SOS1: variants seen among roughly 807,000 people sequenced by gnomAD.
The protein encoded by SOS1 is SOS Ras/Rac guanine nucleotide exchange factor 1.
A neutral mutation model predicts 157.6 loss-of-function variants in SOS1; 25 were observed. That is an observed-to-expected ratio of 0.16 (90% confidence interval 0.12 to 0.22). The LOEUF (loss-of-function observed/expected upper bound fraction) is 0.22, where lower values mean the gene tolerates loss of function less well. Ranked by LOEUF, SOS1 falls within the 10% of genes least tolerant of loss-of-function variation. SOS1 has a pLI of 1.00. For synonymous variants in SOS1, 528 were observed against 534.0 expected (o/e 0.99, Z 0.16); for missense variants, 1,237 against 1,599.1 (o/e 0.77, Z 3.86).
chr2:39,008,850 G>A (rs1669366873), intron 15 of SOS1, among the ~76,000 whole-genome samples: 1 of 151,664 alleles, frequency 6.6e-6, no homozygotes, highest in Admixed American at 6.6e-5. Context: ...GCTGGGGAAG[G>A]AGGAGCAGTA....
chr2:39,062,422 T>TAAA (rs147051518), intron 2 of SOS1, among the ~76,000 whole-genome samples: 170 of 118,764 alleles, frequency 1.4e-3, no homozygotes, highest in African/African-American at 5.7e-3. Context: ...TGTCTCAAAA[T>TAAA]AAAAAAAAAA....
At chr2:39,089,056 AT>A (rs1672483479) in intron 1 of SOS1, among the ~76,000 whole-genome samples, 1 of 152,144 alleles carries the variant, frequency 6.6e-6, no homozygotes, top group Non-Finnish European at 1.5e-5. Flanking sequence ...TTTCATTCCC[AT>A]TTCGCTAATG....
At chr2:39,049,880 T>C (rs1434628658) in intron 6 of SOS1, among the ~76,000 whole-genome samples, 2 of 152,210 alleles carry the variant, frequency 1.3e-5, no homozygotes, top group Non-Finnish European at 2.9e-5. Context: ...TTTCCCAGCA[T>C]CCTGTTATAA....
At chr2:39,104,006 G>A (rs372167229) in intron 1 of SOS1, among the ~76,000 whole-genome samples, 123 of 152,266 alleles carry the variant, frequency 8.1e-4, no homozygotes, top group African/African-American at 2.9e-3. Context: ...TGGTCCAGGC[G>A]CAGTGGCTCA....
chr2:38,997,679 AT>A (rs1279218293), intron 17 of SOS1, among the ~76,000 whole-genome samples: 1 of 126,162 alleles, frequency 7.9e-6, no homozygotes, highest in Non-Finnish European at 1.7e-5. Flanking sequence ...TTATTTTTTT[AT>A]TTTTTTTAGA....
At chr2:39,051,492 C>T in intron 5 of SOS1, 1 of 527,102 alleles carries the variant, frequency 1.9e-6, no homozygotes, top group Non-Finnish European at 3.4e-6. Flanking sequence ...TTCTCTAGGT[C>T]AGTGGTCTTG....
chr2:39,043,793 C>T (rs1670659077), intron 6 of SOS1, among the ~76,000 whole-genome samples: 2 of 152,124 alleles, frequency 1.3e-5, no homozygotes, highest in African/African-American at 4.8e-5. Context: ...CCCTGATGAC[C>T]TTATCTAATC....
chr2:39,091,429 T>C (rs1361779578), intron 1 of SOS1, among the ~76,000 whole-genome samples: 1 of 152,104 alleles, frequency 6.6e-6, no homozygotes, highest in African/African-American at 2.4e-5. Flanking sequence ...AATGAAAAAT[T>C]CAACTTTCCC....
intron 1 of SOS1, among the ~76,000 whole-genome samples, chr2:39,080,303 GA>G (rs957607168): frequency 2.6e-5 from 4 of 152,022 alleles, no homozygotes; most frequent in African/African-American, 9.7e-5. Context: ...TGCCTCCACT[GA>G]TCTGAAAAGA....
chr2:38,997,479 TTTCTG>T, intron 17 of SOS1, 54 bp from the exon 18 acceptor site: 1 of 1,334,472 alleles, frequency 7.5e-7, no homozygotes, highest in Non-Finnish European at 1.1e-6. Context: ...TGCAAGTTTT[TTTCTG>T]TTTCATTAAT....
chr2:38,992,378 A>T (rs1424555639), intron 20 of SOS1: 1 of 152,218 alleles, frequency 6.6e-6, no homozygotes, highest in Non-Finnish European at 1.5e-5. Flanking sequence ...CTTTATCATA[A>T]ACAAAGAGAA....
At chr2:39,037,343 A>G (rs1049612416) in intron 6 of SOS1, among the ~76,000 whole-genome samples, 1 of 152,064 alleles carries the variant, frequency 6.6e-6, no homozygotes, top group African/African-American at 2.4e-5. Flanking sequence ...TATGCCAAAT[A>G]TCATAATGTA....
At position 39,014,792 on chromosome 2, in the gene SOS1, T is replaced by C; in HGVS notation, c.1913A>G (p.Gln638Arg). 1.9e-6 allele frequency: 3 copies of C among 1,595,512 alleles called. No individual in the cohort carries two copies. Among genetic ancestry groups the C allele is most frequent in the Non-Finnish European group, 2.6e-6 (3 of 1,163,788 alleles). ...LTTYRSFCKP[Q>R]ELLSLIIERF... ...TTCTATTATAAGACTCAGTAGTTCTTGAGGTTTGCAAAAGGATCTGTATGT... is the reference window on the plus strand; with the variant it reads ...TTCTATTATAAGACTCAGTAGTTCTCGAGGTTTGCAAAAGGATCTGTATGT... The change falls in exon 11 of 23, where the codon CAA (glutamine) becomes CGA (arginine). Residue 638 changes from glutamine to arginine, a missense_variant. By Grantham distance (43) the Gln-to-Arg change is conservative. Transcript: ENST00000402219.
rs148736160 is a variant in SOS1 at position 39,046,797 on chromosome 2, T to C, written c.864+4347A>G. Among the ~76,000 whole-genome samples the C allele has an allele frequency of 4.4e-4, 67 of 152,260 alleles. 1 individual carries two copies. Among genetic ancestry groups the C allele is most frequent in the African/African-American group, 1.5e-3 (62 of 41,546 alleles). ...GGATTACAGGTGCAAGCCACCGGCC[T>C]ACATCTACCAATTTCTTTTTCACCA... On this transcript the variant is annotated intron_variant, in intron 6 of 22. Transcript: ENST00000402219.
chr2:39,088,736 T>G (rs1476531294), intron 1 of SOS1, among the ~76,000 whole-genome samples: 1 of 152,236 alleles, frequency 6.6e-6, no homozygotes, highest in Non-Finnish European at 1.5e-5. Context: ...AACTGACATG[T>G]GGTTAGTTTC....
chr2:39,058,729 T>C lies in SOS1; in HGVS notation c.289A>G (p.Arg97Gly). The C allele has an allele frequency of 6.2e-7, 1 of 1,612,680 alleles. No individual in the cohort carries two copies. The highest frequency in any genetic ancestry group is 8.5e-7 in the Non-Finnish European group (1 of 1,178,918). Residue 97 changes from arginine (R) to glycine (G), a missense_variant, in exon 3 of 23, where the codon AGG becomes GGG. Physicochemically the swap from Arg to Gly is moderately radical, Grantham distance 125. Around this residue, in one of 15 missense-constraint regions of SOS1, gnomAD observed 19 missense variants for 39.4 expected, o/e 0.48. Transcript: ENST00000402219. ...IADAQSAIEK[R>G]KRRNPLSLPV... Reference sequence around the variant, plus strand: ...AGAGATAAAGGGTTTCTTCGCTTCCTCTTTTCAATAGCTGATTGGGCATCA... The same window carrying C: ...AGAGATAAAGGGTTTCTTCGCTTCCCCTTTTCAATAGCTGATTGGGCATCA...
intron 1 of SOS1, among the ~76,000 whole-genome samples, chr2:39,110,044 G>A (rs1054065653): frequency 1.3e-4 from 17 of 134,936 alleles, no homozygotes; most frequent in Non-Finnish European, 2.6e-4. Flanking sequence ...GTGTGCGTGT[G>A]TGTGTGTGTG....
intron 22 of SOS1, 82 bp downstream of exon 22, chr2:38,987,391 A>G: frequency 1.3e-6 from 1 of 743,302 alleles, no homozygotes; most frequent in South Asian, 1.5e-5. Context: ...AACTTATCCT[A>G]GTGAGAACTA....
rs1668591994 is a variant in SOS1 at position 38,987,510 on chromosome 2, C to T, written c.3473G>A (p.Arg1158Gln). Residue 1158 changes from arginine to glutamine, a missense_variant, in exon 22 of 23, where the codon CGA becomes CAA. Around this residue, in one of 15 missense-constraint regions of SOS1, gnomAD observed 306 missense variants for 322.6 expected, o/e 0.95. Transcript: ENST00000402219. Reference sequence around the variant, plus strand: ...AGATTCTGCTGGGGCAGATTCTGGTCGTCTTCGTGGAGGAACAGGAGGAGG... The same window carrying T: ...AGATTCTGCTGGGGCAGATTCTGGTTGTCTTCGTGGAGGAACAGGAGGAGG... Reference protein sequence around the residue: ...PVPPPVPPRRRPESAPAESSP... With the variant: ...PVPPPVPPRRQPESAPAESSP... 2 of 1,601,168 alleles carry T rather than the reference C, an allele frequency of 1.2e-6. No individual in the cohort carries two copies. Among genetic ancestry groups the T allele is most frequent in the Non-Finnish European group, 1.7e-6 (2 of 1,170,760 alleles).
Sources: allele counts gnomAD v4.1 joint callset (sites outside exome capture counted in the v4.1 genomes callset), GRCh38; gene constraint gnomAD v4.1.1; regional missense constraint gnomAD v4.1.1; transcripts MANE v1.5; gene names NCBI Gene and HGNC (gene_info 2026-07-23, HGNC 2026-07-21).